Variants in ZNF451 observed in about 807,000 individuals in gnomAD.
ZNF451 encodes zinc finger protein 451.
Under a neutral mutation model 107.1 loss-of-function variants are expected in ZNF451, and 80 were observed. That is an observed-to-expected ratio of 0.75 (90% CI 0.62 to 0.90). The LOEUF (loss-of-function observed/expected upper bound fraction) is 0.90, where lower values mean the gene tolerates loss of function less well. Ranked by LOEUF, ZNF451 falls within the 40% of genes least tolerant of loss-of-function variation. The probability of loss-of-function intolerance (pLI) is 0.00; values close to 1 mark genes in which losing one functional copy is unlikely to be tolerated. For synonymous variants in ZNF451, 362 were observed against 406.5 expected (o/e 0.89, Z 1.32); for missense variants, 1,107 against 1,236.2 (o/e 0.90, Z 1.57).
At chr6:57,109,856 AAC>A (rs976193354) in intron 3 of ZNF451, 4 of 454,918 alleles carry the variant, frequency 8.8e-6, no homozygotes, top group Non-Finnish European at 1.2e-5. Context: ...CTGTGTTGAA[AAC>A]AGTCTTTTAG....
In ZNF451 at chr6:57,147,796, T is replaced by C; in HGVS notation, c.1711T>C (p.Leu571=). ...GATGGATGAGGTAGAAGGTGAAACT[T>C]TGCCATCATCCTCTACAACATTGGA... The part of the protein sequence containing the change: ...YEMDEVEGET[L]PSSSTTLDNL... The change falls in exon 10 of 15, where the codon TTG becomes CTG. Residue 571 remains leucine (L), a synonymous_variant. Coordinates refer to ENST00000370706, the MANE Select transcript of ZNF451 (RefSeq NM_001031623.3). 6.2e-7 allele frequency: 1 copy of C among 1,614,016 alleles called. No homozygotes were observed. Among genetic ancestry groups the C allele is most frequent in the East Asian group, 2.2e-5 (1 of 44,886 alleles).
At chr6:57,100,874 T>G in intron 3 of ZNF451, 1 of 1,549,950 alleles carries the variant, frequency 6.5e-7, no homozygotes, top group Non-Finnish European at 8.7e-7. Flanking sequence ...CCACTTCTGG[T>G]CCCCCAAGAA....
At position 57,128,729 on chromosome 6, in the gene ZNF451, G is replaced by A. The variant is rs1562608535; in HGVS notation, c.313G>A (p.Glu105Lys). The A allele has an allele frequency of 3.1e-6, 5 of 1,603,224 alleles. No homozygotes were observed. In the Admixed American group the frequency reaches 5.2e-5, roughly 17 times the overall value. The change falls in exon 5 of 15, where the codon GAA (glutamate) becomes AAA (lysine). Residue 105 changes from glutamate (E) to lysine (K), a missense_variant and splice_region_variant. Coordinates refer to ENST00000370706, the MANE Select transcript of ZNF451 (RefSeq NM_001031623.3). Reference sequence around the variant, plus strand: ...TTGAGTTTTTTCTTAATGTCTTCAGGAAAAAATTGATTTTCAGCATGCTCA... The same window carrying A: ...TTGAGTTTTTTCTTAATGTCTTCAGAAAAAAATTGATTTTCAGCATGCTCA... ...QKEEKNRAFR[E>K]KIDFQHAHGL...
chr6:57,151,235 G>A (rs545015596), intron 11 of ZNF451: 1 of 162,320 alleles, frequency 6.2e-6, no homozygotes, highest in African/African-American at 2.4e-5. Context: ...AGCTGGGCGT[G>A]GTGGCGGGCC....
chr6:57,121,877 T>C (rs942597030), intron 3 of ZNF451, among the ~76,000 whole-genome samples: 4 of 152,202 alleles, frequency 2.6e-5, no homozygotes, highest in African/African-American at 9.6e-5. Flanking sequence ...TAGAAAAAAC[T>C]ATTCTAAAAT....
chr6:57,122,483 C>T (rs1041937703), intron 3 of ZNF451, among the ~76,000 whole-genome samples: 1 of 152,216 alleles, frequency 6.6e-6, no homozygotes, highest in Admixed American at 6.5e-5. Flanking sequence ...ATGCACCTGA[C>T]AAAGGACTAA....
At chr6:57,115,974 A>G (rs952282285) in intron 3 of ZNF451, 5 of 152,178 alleles carry the variant, frequency 3.3e-5, no homozygotes, top group African/African-American at 9.6e-5. Flanking sequence ...GATTTTTGCC[A>G]TGGATCAGAG....
intron 10 of ZNF451, among the ~76,000 whole-genome samples, chr6:57,149,315 G>A (rs1249725135): frequency 3.9e-5 from 6 of 152,090 alleles, no homozygotes; most frequent in African/African-American, 1.2e-4. Context: ...AGTCTAGGCA[G>A]GTGTTATGTT....
At position 57,168,561 on chromosome 6, in the gene ZNF451, C is replaced by T. The variant is rs1764004519; in HGVS notation, c.*92C>T. The T allele has an allele frequency of 2.1e-6, 2 of 973,510 alleles. No homozygotes were observed. The highest frequency in any genetic ancestry group is 4.9e-5 in the East Asian group (2 of 40,440). The allele number at this position is 973,510 out of a possible 1,614,324, so 60.3% of individuals were successfully genotyped here. A position where few individuals can be genotyped will look rare whatever the true frequency, so the allele number is the denominator to read the frequency against. On this transcript the variant is annotated 3_prime_UTR_variant, in exon 15 of 15. Coordinates refer to ENST00000370706, the MANE Select transcript of ZNF451 (RefSeq NM_001031623.3). The stretch of plus-strand genomic sequence containing the variant: ...TTTTCTAAAGGAGACCAGAAATCCA[C>T]TATTACAAATGTATTTGAAAACATG...
In ZNF451 at chr6:57,102,076, C is replaced by T. The variant is rs777452820; in HGVS notation, c.186+2935C>T. Reference sequence around the variant, plus strand: ...TAGAAAGAAGGGAGACTCTCCAGAACGCCATGGGTACAAGAATTAATAACC... The same window carrying T: ...TAGAAAGAAGGGAGACTCTCCAGAATGCCATGGGTACAAGAATTAATAACC... On this transcript the variant is annotated intron_variant, in intron 3 of 14. Transcript: ENST00000370706. 36 of 1,517,928 alleles carry T rather than the reference C, an allele frequency of 2.4e-5. No homozygotes were observed. The South Asian group carries it at 3.0e-4, about 12-fold the overall frequency. The allele number at this position is 1,517,928 out of a possible 1,614,324, so 94.0% of individuals were successfully genotyped here. A position where few individuals can be genotyped will look rare whatever the true frequency, so the allele number is the denominator to read the frequency against.
At chr6:57,154,666 T>G (rs1237936388) in intron 13 of ZNF451, 1 of 152,404 alleles carries the variant, frequency 6.6e-6, no homozygotes, top group Non-Finnish European at 1.5e-5. Flanking sequence ...TTTTTCGTTT[T>G]TCATAATTTC....
chr6:57,109,849 TGTTGAAAA>T (rs1830032515), intron 3 of ZNF451: 5 of 474,920 alleles, frequency 1.1e-5, no homozygotes, highest in African/African-American at 8.5e-5. Context: ...TTCATATCTG[TGTTGAAAA>T]CAGTCTTTTA....
At chr6:57,118,079 G>C (rs934125820) in intron 3 of ZNF451, among the ~76,000 whole-genome samples, 11 of 152,180 alleles carry the variant, frequency 7.2e-5, no homozygotes, top group Admixed American at 4.6e-4. Flanking sequence ...TTTGTTTGGT[G>C]TAAGGGTAGC....
chr6:57,116,272 G>A (rs1213616873), intron 3 of ZNF451: 1 of 152,162 alleles, frequency 6.6e-6, no homozygotes, highest in Non-Finnish European at 1.5e-5. Flanking sequence ...GAAAAATATT[G>A]TATGGGCAGG....
intron 7 of ZNF451, among the ~76,000 whole-genome samples, chr6:57,140,526 G>A (rs559916789): frequency 5.7e-4 from 87 of 152,184 alleles, no homozygotes; most frequent in Middle Eastern, 3.4e-3. Context: ...GTCATACAGT[G>A]TCTTTTAATA....
chr6:57,096,176 GTTTTT>G (rs749589304), intron 2 of ZNF451, among the ~76,000 whole-genome samples: 28 of 58,460 alleles, frequency 4.8e-4, no homozygotes, highest in Non-Finnish European at 7.9e-4. Context: ...CTTTCTTTCT[GTTTTT>G]TTTTTTTTTT....
intron 6 of ZNF451, 53 bp from the exon 7 acceptor site, chr6:57,134,691 T>C: frequency 1.3e-6 from 2 of 1,550,834 alleles, no homozygotes; most frequent in South Asian, 1.2e-5. Flanking sequence ...CATAGTTGTT[T>C]CCCTAGAATG....
Position 57,148,318 on chromosome 6 carries a change from A to G in ZNF451, c.2233A>G (p.Met745Val). ...AGATTATAGCAGATGTCTCCAAATCATGCTGGATAAAGGAAAACTGTGGTT... is the reference window on the plus strand; with the variant it reads ...AGATTATAGCAGATGTCTCCAAATCGTGCTGGATAAAGGAAAACTGTGGTT... ...KEDYSRCLQI[M>V]LDKGKLWFRC... Residue 745 changes from methionine to valine, a missense_variant, in exon 10 of 15, where the codon ATG becomes GTG. Met to Val is a conservative substitution (Grantham distance 21). Around this residue, in one of 5 missense-constraint regions of ZNF451, gnomAD observed 608 missense variants for 649.2 expected, o/e 0.94. Transcript: ENST00000370706. The G allele has an allele frequency of 6.2e-7, 1 of 1,614,102 alleles. No individual in the cohort carries two copies. The highest frequency in any genetic ancestry group is 8.5e-7 in the Non-Finnish European group (1 of 1,179,980).
chr6:57,106,182 T>C, intron 3 of ZNF451: 1 of 985,430 alleles, frequency 1.0e-6, no homozygotes, highest in African/African-American at 1.7e-5. Context: ...AATTGGATAC[T>C]GATGTGGATG....
Sources: allele counts gnomAD v4.1 joint callset (sites outside exome capture counted in the v4.1 genomes callset), GRCh38; gene constraint gnomAD v4.1.1; regional missense constraint gnomAD v4.1.1; transcripts MANE v1.5; gene names NCBI Gene and HGNC (gene_info 2026-07-23, HGNC 2026-07-21).